The following NUP188 variants were observed in gnomAD, a reference collection of about 807,000 sequenced individuals.
NUP188 encodes the protein nucleoporin NUP188.
In NUP188, 97 loss-of-function variants were observed where a neutral mutation model predicts 223.0. The observed-to-expected ratio is 0.43, with a 90% CI of 0.37 to 0.51. NUP188 has a LOEUF of 0.51. Among genes scored for constraint, NUP188 ranks in the 20% least tolerant of loss-of-function variants. NUP188 has a pLI of 0.00. For synonymous variants in NUP188, 869 were observed against 828.0 expected (o/e 1.05, Z -0.85); for missense variants, 1,947 against 2,175.6 (o/e 0.89, Z 2.09).
chr9:128,957,778 T>C (rs1442222260), intron 5 of NUP188, among the ~76,000 whole-genome samples: 1 of 152,150 alleles, frequency 6.6e-6, no homozygotes, highest in East Asian at 1.9e-4. Context: ...TTTGGTAGAA[T>C]TTCTAGCCTG....
intron 6 of NUP188, 123 bp from the exon 7 acceptor site, chr9:128,958,679 A>T: frequency 2.1e-6 from 1 of 468,046 alleles, no homozygotes; most frequent in Non-Finnish European, 3.7e-6. Flanking sequence ...CATTTCTGTG[A>T]TTCCTTATTT....
chr9:128,964,018 G>A (rs939283312), intron 8 of NUP188, among the ~76,000 whole-genome samples: 13 of 151,980 alleles, frequency 8.6e-5, no homozygotes, highest in Admixed American at 8.5e-4. Flanking sequence ...GTTTCACCGT[G>A]TTAGCCAGGA....
chr9:128,988,119 C>T lies in NUP188; in HGVS notation c.2466C>T (p.Asn822=), dbSNP rs1241465669. 1 of 1,614,108 alleles carries T rather than the reference C, an allele frequency of 6.2e-7. No individual in the cohort carries two copies. The highest frequency in any genetic ancestry group is 8.5e-7 in the Non-Finnish European group (1 of 1,180,038). The change falls in exon 24 of 44, where the codon AAC becomes AAT. Residue 822 remains asparagine (N), a synonymous_variant. Coordinates refer to ENST00000372577, the MANE Select transcript of NUP188 (RefSeq NM_015354.3). The part of the protein sequence containing the change: ...KTVKLAFSVT[N]NVIRLKPPSN... The stretch of plus-strand genomic sequence containing the variant: ...TGAAACTGGCATTCTCCGTCACCAA[C>T]AATGTTATTCGGCTGAAACCTCCTT...
chr9:128,974,387 TTG>T (rs1304054570), intron 12 of NUP188, among the ~76,000 whole-genome samples: 1 of 146,626 alleles, frequency 6.8e-6, no homozygotes, highest in Admixed American at 6.7e-5. Context: ...CAGCAGGTTG[TTG>T]TTTTTTTTTT....
rs887231928 is a variant in NUP188, at chr9:128,983,572, T to G, written c.1961+22T>G. 4 of 1,556,190 alleles carry G rather than the reference T, an allele frequency of 2.6e-6. No homozygotes were observed. In the African/African-American group the frequency reaches 5.4e-5, roughly 21 times the overall value. On this transcript the variant is annotated intron_variant, in intron 19 of 43. Transcript: ENST00000372577. ...TTAGGTGAGCCAAGTCCTAGGGTGG[T>G]GGGCCATATTCCCTAGTGAGAACCA...
At chr9:128,988,383 A>G (rs1035527645) in intron 24 of NUP188, among the ~76,000 whole-genome samples, 197 bp downstream of exon 24, 1 of 152,200 alleles carries the variant, frequency 6.6e-6, no homozygotes, top group Non-Finnish European at 1.5e-5. Context: ...TCTGCCTCCT[A>G]TTGATGATAG....
Position 128,984,927 on chromosome 9 carries a change from C to G in NUP188, c.1989C>G (p.Tyr663Ter). The change falls in exon 20 of 44, where the codon TAC becomes TAG. Residue 663 changes from tyrosine (Y) to a stop codon, truncating the protein, a stop_gained. Transcript: ENST00000372577. LOFTEE classifies it high-confidence loss of function. ...ISAEGMNAGG[Y>*]GNLLMNSEQP... ...CGGAAGGGATGAATGCTGGAGGGTA[C>G]GGAAACCTCTTGATGAACAGTGAAC... 1 of 1,613,278 alleles carries G rather than the reference C, an allele frequency of 6.2e-7. No individual in the cohort carries two copies. Among genetic ancestry groups the G allele is most frequent in the Non-Finnish European group, 8.5e-7 (1 of 1,179,592 alleles).
intron 36 of NUP188, among the ~76,000 whole-genome samples, chr9:129,002,442 TC>T (rs1842687874): frequency 6.6e-6 from 1 of 152,182 alleles, no homozygotes; most frequent in African/African-American, 2.4e-5. Flanking sequence ...AACAGATACC[TC>T]CTAATTTCAA....
At chr9:128,969,626 A>G in intron 10 of NUP188, 112 bp downstream of exon 10, 1 of 588,928 alleles carries the variant, frequency 1.7e-6, no homozygotes. Context: ...TTGTTCAGTG[A>G]TGCAGAGGTT....
chr9:129,003,642 GC>G (rs776007407), intron 38 of NUP188, 188 bp downstream of exon 38: 2 of 728,650 alleles, frequency 2.7e-6, no homozygotes, highest in Non-Finnish European at 4.8e-6. Flanking sequence ...GTCAAGGGCA[GC>G]CATGTAGGTT....
chr9:128,998,218 C>T lies in NUP188; in HGVS notation c.3419C>T (p.Thr1140Ile), dbSNP rs746583308. 1 of 1,612,850 alleles carries T rather than the reference C, an allele frequency of 6.2e-7. No individual in the cohort carries two copies. Among genetic ancestry groups the T allele is most frequent in the Non-Finnish European group, 8.5e-7 (1 of 1,178,818 alleles). The change falls in exon 31 of 44, where the codon ACC becomes ATC. Residue 1140 changes from threonine (T) to isoleucine (I), a missense_variant. Coordinates refer to ENST00000372577, the MANE Select transcript of NUP188 (RefSeq NM_015354.3). ...RQLFLDVLDG[T>I]KALLLVPASV... ...CTCTTTCTTGACGTGCTTGATGGAA[C>T]CAAAGCATTAGTAAGTGTGTCTGGG...
At chr9:128,985,529 A>T (rs759334708) in intron 20 of NUP188, among the ~76,000 whole-genome samples, 17 of 152,176 alleles carry the variant, frequency 1.1e-4, no homozygotes, top group Non-Finnish European at 2.1e-4. Context: ...ATAGAGCATA[A>T]ATAATGACAT....
At chr9:128,987,483 G>A in intron 22 of NUP188, 106 bp from the exon 23 acceptor site, 1 of 1,066,824 alleles carries the variant, frequency 9.4e-7, no homozygotes, top group South Asian at 1.8e-5. Flanking sequence ...CTGGTCTCCA[G>A]TGTCCAGTAG....
intron 13 of NUP188, 44 bp from the exon 14 acceptor site, chr9:128,980,562 T>G: frequency 6.4e-7 from 1 of 1,566,376 alleles, no homozygotes; most frequent in Non-Finnish European, 8.7e-7. Flanking sequence ...GATGTTAATT[T>G]GTGGATAATG....
intron 38 of NUP188, 39 bp from the exon 39 acceptor site, chr9:129,005,108 G>A: frequency 1.3e-6 from 2 of 1,543,540 alleles, no homozygotes; most frequent in Non-Finnish European, 1.8e-6. Flanking sequence ...CTGGGCTGCT[G>A]ACAAGAGAAT....
At chr9:128,949,948 G>A (rs1841757389) in intron 2 of NUP188, among the ~76,000 whole-genome samples, 1 of 144,072 alleles carries the variant, frequency 6.9e-6, no homozygotes, top group Admixed American at 6.9e-5. Flanking sequence ...TTTTTTTGAG[G>A]GGGGTGTCTT....
At chr9:128,951,793 T>C (rs947602794) in intron 2 of NUP188, among the ~76,000 whole-genome samples, 269 of 133,898 alleles carry the variant, frequency 2.0e-3, no homozygotes, top group African/African-American at 8.7e-3. Flanking sequence ...GGAATCTGAT[T>C]TTTTTTTTTT....
chr9:128,987,909 C>G (rs369220607), intron 23 of NUP188, 138 bp from the exon 24 acceptor site: 18 of 1,184,910 alleles, frequency 1.5e-5, no homozygotes, highest in East Asian at 9.3e-5. Flanking sequence ...CTCCTCCTCT[C>G]TCCTAGTTTG....
chr9:128,972,167 TTTATTCGTAATTACTAAAACTC>T (rs1842113673), intron 11 of NUP188, among the ~76,000 whole-genome samples: 1 of 152,228 alleles, frequency 6.6e-6, no homozygotes, highest in Non-Finnish European at 1.5e-5. Flanking sequence ...TTATAGCAGC[TTTATTCGTAATTACTAAAACTC>T]GAAAGCAACT....
Sources: gnomAD v4.1 joint callset for allele counts (sites outside exome capture counted in the v4.1 genomes callset) on GRCh38, gnomAD v4.1.1 for gene constraint, MANE v1.5 for transcripts, NCBI Gene and HGNC (gene_info 2026-07-23, HGNC 2026-07-21) for gene names.